B3GALT1: variants seen among roughly 807,000 people sequenced by gnomAD.
B3GALT1 encodes the protein UDP-Gal:betaGlcNAc beta 1,3-galactosyltransferase, polypeptide 1.
Under a neutral mutation model 23.2 loss-of-function variants are expected in B3GALT1, and 10 were observed. The ratio of observed to expected loss-of-function variants is 0.43; its 90% CI spans 0.27 to 0.73. The LOEUF (loss-of-function observed/expected upper bound fraction) is 0.73. Among genes scored for constraint, B3GALT1 ranks in the 30% least tolerant of loss-of-function variants. The probability of loss-of-function intolerance (pLI) is 0.21; values close to 1 mark genes in which losing one functional copy is unlikely to be tolerated. For synonymous variants in B3GALT1, 156 were observed against 141.5 expected (o/e 1.10, Z -0.73); for missense variants, 299 against 405.4 (o/e 0.74, Z 2.25).
chr2:167,563,958 C>T (rs1252958866), intron 2 of B3GALT1, among the ~76,000 whole-genome samples: 1 of 136,346 alleles, frequency 7.3e-6, no homozygotes, highest in East Asian at 2.5e-4. Flanking sequence ...GGGGCCGACC[C>T]CCCCACCTCC....
At chr2:167,519,123 G>A (rs1700146552) in intron 2 of B3GALT1, among the ~76,000 whole-genome samples, 1 of 151,852 alleles carries the variant, frequency 6.6e-6, no homozygotes, top group Non-Finnish European at 1.5e-5. Flanking sequence ...CTGGACAGTA[G>A]CATCATCATT....
intron 1 of B3GALT1, among the ~76,000 whole-genome samples, chr2:167,440,346 A>G (rs1372835130): frequency 1.9e-5 from 2 of 103,588 alleles, no homozygotes; most frequent in African/African-American, 1.2e-4. Flanking sequence ...CTCTGTCTGA[A>G]AAAAAAAAAA....
At chr2:167,429,691 G>A (rs1244422389) in intron 1 of B3GALT1, among the ~76,000 whole-genome samples, 1 of 152,194 alleles carries the variant, frequency 6.6e-6, no homozygotes, top group African/African-American at 2.4e-5. Context: ...TTGGATTTCA[G>A]GCCTGTCACT....
At chr2:167,523,763 A>G (rs1047839135) in intron 2 of B3GALT1, among the ~76,000 whole-genome samples, 1 of 152,138 alleles carries the variant, frequency 6.6e-6, no homozygotes, top group Non-Finnish European at 1.5e-5. Context: ...TGTAAGTTCT[A>G]CACAAACAAG....
chr2:167,782,678 T>TG (rs1313678927), intron 3 of B3GALT1, among the ~76,000 whole-genome samples: 1 of 152,204 alleles, frequency 6.6e-6, no homozygotes, highest in African/African-American at 2.4e-5. Context: ...TCCCAGCTCC[T>TG]GGGGGGGAAA....
At chr2:167,562,458 G>A (rs1290531631) in intron 2 of B3GALT1, among the ~76,000 whole-genome samples, 2 of 152,156 alleles carry the variant, frequency 1.3e-5, no homozygotes, top group Non-Finnish European at 1.5e-5. Context: ...TCTGGCCAGG[G>A]CAATTAGGCA....
At chr2:167,404,480 G>T (rs1163223430) in intron 1 of B3GALT1, among the ~76,000 whole-genome samples, 3 of 152,186 alleles carry the variant, frequency 2.0e-5, no homozygotes. Flanking sequence ...TTAACAGGTT[G>T]TAGTGTTTTG....
intron 2 of B3GALT1, among the ~76,000 whole-genome samples, chr2:167,494,603 T>C (rs1699752563): frequency 1.3e-5 from 2 of 152,210 alleles, no homozygotes; most frequent in African/African-American, 4.8e-5. Flanking sequence ...GTTTTAATTC[T>C]AAAATTTTCC....
At chr2:167,862,137 T>C (rs1690114462) in intron 4 of B3GALT1, among the ~76,000 whole-genome samples, 1 of 152,064 alleles carries the variant, frequency 6.6e-6, no homozygotes, top group African/African-American at 2.4e-5. Flanking sequence ...ACAGAACCAA[T>C]AGGATATATT....
intron 3 of B3GALT1, among the ~76,000 whole-genome samples, chr2:167,769,555 A>G (rs963934786): frequency 2.6e-5 from 4 of 152,134 alleles, no homozygotes; most frequent in African/African-American, 9.7e-5. Context: ...CCATCAGGCA[A>G]CCCCTTTCTA....
chr2:167,735,076 C>G (rs996198842), intron 3 of B3GALT1, among the ~76,000 whole-genome samples: 5 of 152,166 alleles, frequency 3.3e-5, no homozygotes, highest in African/African-American at 1.2e-4. Context: ...TTTCAGCTGT[C>G]TCTGGGGGAA....
At chr2:167,340,265 T>C (rs1282485586) in intron 1 of B3GALT1, among the ~76,000 whole-genome samples, 1 of 127,962 alleles carries the variant, frequency 7.8e-6, no homozygotes, top group Non-Finnish European at 1.6e-5. Flanking sequence ...TAGAGGGTGA[T>C]AAACCAGGCT....
intron 1 of B3GALT1, among the ~76,000 whole-genome samples, chr2:167,345,793 A>G (rs1176531834): frequency 2.0e-5 from 3 of 152,196 alleles, no homozygotes. Flanking sequence ...CTCTAGGACA[A>G]CAGAGGAAGA....
At chr2:167,562,382 T>C (rs921509224) in intron 2 of B3GALT1, among the ~76,000 whole-genome samples, 1 of 152,198 alleles carries the variant, frequency 6.6e-6, no homozygotes, top group Non-Finnish European at 1.5e-5. Context: ...AAGCATTCCC[T>C]TTGAAAACTG....
intron 1 of B3GALT1, among the ~76,000 whole-genome samples, chr2:167,333,187 A>T (rs1032574215): frequency 6.6e-6 from 1 of 152,212 alleles, no homozygotes; most frequent in Non-Finnish European, 1.5e-5. Context: ...GACAACAGCA[A>T]CCCAATTTTG....
chr2:167,631,261 A>G (rs1347195356), intron 2 of B3GALT1, among the ~76,000 whole-genome samples: 2 of 151,870 alleles, frequency 1.3e-5, no homozygotes. Context: ...TGCCTGCTGA[A>G]GATGCTGATT....
chr2:167,464,090 C>A (rs1699307480), intron 1 of B3GALT1, among the ~76,000 whole-genome samples: 1 of 151,840 alleles, frequency 6.6e-6, no homozygotes, highest in African/African-American at 2.4e-5. Context: ...CTGAAAAGGA[C>A]TTTCTGAAGC....
chr2:167,731,266 A>G (rs80215390), intron 3 of B3GALT1, among the ~76,000 whole-genome samples: 6,305 of 152,334 alleles, frequency 0.041, 437 homozygotes, highest in African/African-American at 0.14. Flanking sequence ...GCTAGTCATC[A>G]GTAAATGTTA....
intron 4 of B3GALT1, among the ~76,000 whole-genome samples, chr2:167,841,947 T>C (rs183415932): frequency 5.7e-4 from 87 of 152,364 alleles, no homozygotes; most frequent in African/African-American, 1.9e-3. Flanking sequence ...ACTTCAACAC[T>C]ATTACCTATT....
Sources: gnomAD v4.1 joint callset for allele counts (sites outside exome capture counted in the v4.1 genomes callset) on GRCh38, gnomAD v4.1.1 for gene constraint, MANE v1.5 for transcripts, NCBI Gene and HGNC (gene_info 2026-07-23, HGNC 2026-07-21) for gene names.